The following MALRD1 variants were observed in gnomAD, a reference collection of about 807,000 sequenced individuals.
MALRD1 encodes the protein MAM and LDL receptor class A domain containing 1.
A neutral mutation model predicts 242.1 loss-of-function variants in MALRD1; 247 were observed. The observed-to-expected ratio is 1.02, with a 90% CI of 0.92 to 1.13. The LOEUF (loss-of-function observed/expected upper bound fraction) is 1.13. MALRD1 is among the 50% of genes most tolerant of loss of function. The pLI, the probability that MALRD1 is intolerant of heterozygous loss-of-function variation, is 0.00. For synonymous variants in MALRD1, 995 were observed against 866.6 expected (o/e 1.15, Z -2.60); for missense variants, 2,989 against 2,533.1 (o/e 1.18, Z -3.86).
intron 24 of MALRD1, among the ~76,000 whole-genome samples, chr10:19,339,119 A>G (rs1463505083): frequency 1.3e-5 from 2 of 151,560 alleles, no homozygotes; most frequent in African/African-American, 2.4e-5. Flanking sequence ...AGTCTGAAAA[A>G]CAGTCTGCAG....
In MALRD1 at chr10:19,283,041, G is replaced by A; in HGVS notation, c.3279G>A (p.Glu1093=). The A allele has an allele frequency of 6.5e-7, 1 of 1,547,166 alleles. No homozygotes were observed. Among genetic ancestry groups the A allele is most frequent in the Non-Finnish European group, 8.7e-7 (1 of 1,145,104 alleles). Residue 1093 remains glutamate (E), a synonymous_variant, in exon 21 of 40, where the codon GAG becomes GAA. Transcript: ENST00000454679. ...AAGTTATGGAAGTTTGCAGCTTTGA[G>A]AAAAGAAGCCTGTGTAAATGGTATC... is the stretch of plus-strand genomic sequence containing the variant. ...ASCVMEVCSF[E]KRSLCKWYQP...
At chr10:19,483,993 G>A (rs574967831) in intron 29 of MALRD1, among the ~76,000 whole-genome samples, 1 of 152,230 alleles carries the variant, frequency 6.6e-6, no homozygotes, top group South Asian at 2.1e-4. Context: ...GTAGCTGAAG[G>A]CCATTATTCT....
chr10:19,449,747 A>G (rs1472570225), intron 28 of MALRD1, among the ~76,000 whole-genome samples: 1 of 152,182 alleles, frequency 6.6e-6, no homozygotes, highest in Non-Finnish European at 1.5e-5. Context: ...TATGCTTAGT[A>G]CCTGGTTGAC....
intron 18 of MALRD1, among the ~76,000 whole-genome samples, chr10:19,223,961 G>T (rs969797123): frequency 1.3e-5 from 2 of 152,138 alleles, no homozygotes. Context: ...ATGGGCATTT[G>T]GGTTGGTTCC....
intron 36 of MALRD1, among the ~76,000 whole-genome samples, chr10:19,618,341 A>G (rs1032417760): frequency 6.6e-5 from 10 of 152,188 alleles, no homozygotes; most frequent in South Asian, 2.1e-4. Flanking sequence ...TCCTTTGGGT[A>G]TATACCCAGT....
chr10:19,405,755 T>C (rs554462621), intron 28 of MALRD1, among the ~76,000 whole-genome samples: 32 of 152,318 alleles, frequency 2.1e-4, no homozygotes, highest in African/African-American at 7.7e-4. Flanking sequence ...CCTTTGAATC[T>C]TTTAAAGGAG....
chr10:19,147,794 G>T (rs1355517402), intron 11 of MALRD1, among the ~76,000 whole-genome samples: 1 of 152,168 alleles, frequency 6.6e-6, no homozygotes, highest in Non-Finnish European at 1.5e-5. Context: ...AATGAGCAGT[G>T]AAGGGAAATG....
At chr10:19,335,307 GACAA>G (rs1383478334) in intron 24 of MALRD1, among the ~76,000 whole-genome samples, 2 of 151,560 alleles carry the variant, frequency 1.3e-5, no homozygotes, top group East Asian at 1.9e-4. Context: ...CAGCTCCTAG[GACAA>G]ACAAACAAAT....
intron 28 of MALRD1, among the ~76,000 whole-genome samples, chr10:19,407,262 G>A (rs1307470535): frequency 2.0e-5 from 3 of 152,116 alleles, no homozygotes; most frequent in African/African-American, 7.2e-5. Context: ...TTTAAGCCAG[G>A]AGTTCAAGAC....
intron 2 of MALRD1, among the ~76,000 whole-genome samples, chr10:19,078,620 C>T (rs543870160): frequency 1.1e-3 from 174 of 151,700 alleles, no homozygotes; most frequent in African/African-American, 4.0e-3. Context: ...TTAAATGTTT[C>T]GTATAATTTA....
chr10:19,687,244 G>A (rs947850040), intron 36 of MALRD1, among the ~76,000 whole-genome samples: 6 of 152,118 alleles, frequency 3.9e-5, no homozygotes, highest in Non-Finnish European at 7.4e-5. Context: ...TACACAAGGG[G>A]CAGAATCATA....
chr10:19,259,374 G>A (rs1051725254), intron 19 of MALRD1, among the ~76,000 whole-genome samples: 7 of 152,044 alleles, frequency 4.6e-5, no homozygotes, highest in Admixed American at 4.6e-4. Flanking sequence ...CCCGAGCCTG[G>A]GTAATTTATA....
At chr10:19,144,093 C>T (rs970603929) in intron 10 of MALRD1, among the ~76,000 whole-genome samples, 2 of 152,114 alleles carry the variant, frequency 1.3e-5, no homozygotes, top group Non-Finnish European at 2.9e-5. Context: ...CACCATTAGG[C>T]GATGTGCAAC....
chr10:19,607,618 T>A (rs1370515834), intron 34 of MALRD1, among the ~76,000 whole-genome samples, 159 bp from the exon 35 acceptor site: 3 of 152,092 alleles, frequency 2.0e-5, no homozygotes, highest in African/African-American at 7.2e-5. Context: ...GTTAATCCAT[T>A]TGAAATATTC....
At chr10:19,247,846 G>T (rs563406706) in intron 18 of MALRD1, among the ~76,000 whole-genome samples, 1 of 151,874 alleles carries the variant, frequency 6.6e-6, no homozygotes. Context: ...CTTAACCGAC[G>T]TTAAATTTAA....
At chr10:19,052,058 C>A in intron 1 of MALRD1, 1 of 403,152 alleles carries the variant, frequency 2.5e-6, no homozygotes, top group Admixed American at 3.1e-5. Flanking sequence ...GAGTTAATAG[C>A]TTTGATGGCA....
chr10:19,472,269 T>G (rs1449625704), intron 29 of MALRD1, among the ~76,000 whole-genome samples: 20 of 152,082 alleles, frequency 1.3e-4, no homozygotes, highest in Admixed American at 1.3e-3. Flanking sequence ...TCAGGGTATA[T>G]GATCCTTTCA....
intron 18 of MALRD1, among the ~76,000 whole-genome samples, chr10:19,224,248 C>T (rs957218763): frequency 2.6e-4 from 40 of 150,990 alleles, no homozygotes; most frequent in Admixed American, 2.3e-3. Context: ...TTCTAACTGG[C>T]GCGAGATGGT....
intron 29 of MALRD1, chr10:19,489,012 C>T (rs753288957): frequency 6.6e-6 from 3 of 455,958 alleles, no homozygotes; most frequent in Non-Finnish European, 1.3e-5. Flanking sequence ...GGTTCTCCCA[C>T]CATCCCCCGC....
Sources: gnomAD v4.1 joint callset for allele counts (sites outside exome capture counted in the v4.1 genomes callset) on GRCh38, gnomAD v4.1.1 for gene constraint, MANE v1.5 for transcripts, NCBI Gene and HGNC (gene_info 2026-07-23, HGNC 2026-07-21) for gene names.